CYP27C1: variants seen among roughly 807,000 people sequenced by gnomAD.
CYP27C1 encodes the protein cytochrome P450 27C1.
A neutral mutation model predicts 40.6 loss-of-function variants in CYP27C1; 29 were observed. The ratio of observed to expected loss-of-function variants is 0.71; its 90% CI spans 0.53 to 0.97. The LOEUF (loss-of-function observed/expected upper bound fraction) is 0.97, where lower values mean the gene tolerates loss of function less well. Among genes scored for constraint, CYP27C1 ranks in the 50% least tolerant of loss-of-function variants. The pLI, the probability that CYP27C1 is intolerant of heterozygous loss-of-function variation, is 0.00. For missense variants in CYP27C1, 390 were observed against 485.8 expected (o/e 0.80, Z 1.85); for synonymous variants, 198 against 186.8 (o/e 1.06, Z -0.49).
intron 2 of CYP27C1, among the ~76,000 whole-genome samples, chr2:127,203,815 G>A (rs1366384443): frequency 1.3e-5 from 2 of 151,990 alleles, no homozygotes; most frequent in African/African-American, 4.8e-5. Context: ...ACTACCAGTG[G>A]TAAGTAATAA....
At chr2:127,215,360 T>C (rs970430333) in intron 1 of CYP27C1, among the ~76,000 whole-genome samples, 1 of 152,136 alleles carries the variant, frequency 6.6e-6, no homozygotes, top group Non-Finnish European at 1.5e-5. Context: ...TCTCACACTA[T>C]ATAAAAAAAT....
rs533991172 is a variant in CYP27C1, at chr2:127,214,116, C to T, written c.282+5873G>A. Among the ~76,000 whole-genome samples, 6 of 152,284 alleles carry T rather than the reference C, an allele frequency of 3.9e-5. No homozygotes were observed. The South Asian group carries it at 1.0e-3, about 26-fold the overall frequency. The stretch of plus-strand genomic sequence containing the variant: ...ATCAGAGAAATGCAAATCAAAACCA[C>T]AATGAGATACCATCTCACACCAGTC... On this transcript the variant is annotated intron_variant, in intron 1 of 8. Transcript: ENST00000664447.
intron 8 of CYP27C1, among the ~76,000 whole-genome samples, chr2:127,189,494 C>T (rs1682713322): frequency 6.6e-6 from 1 of 151,946 alleles, no homozygotes; most frequent in Admixed American, 6.5e-5. Flanking sequence ...AGGACAAATA[C>T]CTAATGCATG....
rs2104704574 is a variant in CYP27C1, at chr2:127,218,681, G to T, written c.282+1308C>A. 6.6e-6 allele frequency among the ~76,000 whole-genome samples: 1 copy of T among 152,322 alleles called. No homozygotes were observed. The highest frequency in any genetic ancestry group is 1.5e-5 in the Non-Finnish European group (1 of 68,030). On this transcript the variant is annotated intron_variant, in intron 1 of 8. Transcript: ENST00000664447. The surrounding 1 kb of genome is among the most constrained non-coding windows in gnomAD (Gnocchi z 6.0). ...CGAATGAATGACTGAAGCCCAGGTGGGTAGTTAGAAGAGGCTTCGATGGAG... is the reference window on the plus strand; with the variant it reads ...CGAATGAATGACTGAAGCCCAGGTGTGTAGTTAGAAGAGGCTTCGATGGAG...
In CYP27C1 at chr2:127,218,534, C is replaced by T. The variant is rs1222535458; in HGVS notation, c.282+1455G>A. On this transcript the variant is annotated intron_variant, in intron 1 of 8. Transcript: ENST00000664447. The surrounding 1 kb of genome is among the most constrained non-coding windows in gnomAD (Gnocchi z 6.0). The stretch of plus-strand genomic sequence containing the variant: ...AGGAGGGACGGTTGGGACTTCCTGG[C>T]ATTAAAATTAAATTAAATTTTAATT... 1.3e-5 allele frequency among the ~76,000 whole-genome samples: 2 copies of T among 152,030 alleles called. No individual in the cohort carries two copies. Among genetic ancestry groups the T allele is most frequent in the African/African-American group, 4.8e-5 (2 of 41,376 alleles).
At chr2:127,202,627 T>C (rs1038989612) in intron 3 of CYP27C1, among the ~76,000 whole-genome samples, 1 of 152,206 alleles carries the variant, frequency 6.6e-6, no homozygotes, top group Non-Finnish European at 1.5e-5. Context: ...GCCTTTTTGG[T>C]ATTGCTATTT....
At chr2:127,204,555 G>GAGAA (rs1169099297) in intron 2 of CYP27C1, among the ~76,000 whole-genome samples, 840 of 39,078 alleles carry the variant, frequency 0.021, 60 homozygotes, top group Non-Finnish European at 0.028. Flanking sequence ...GAGAGAGAGA[G>GAGAA]AGAAAGAAAG....
At chr2:127,188,289 G>A (rs1268306024) in intron 8 of CYP27C1, among the ~76,000 whole-genome samples, 2 of 152,158 alleles carry the variant, frequency 1.3e-5, no homozygotes, top group African/African-American at 4.8e-5. Context: ...CTCCAGGCTG[G>A]GACCCCATGG....
In CYP27C1 at chr2:127,220,154, CG is replaced by C; in HGVS notation, c.116del (p.Ala39GlyfsTer76). The C allele has an allele frequency of 6.7e-6, 1 of 149,638 alleles. No homozygotes were observed. Among genetic ancestry groups the C allele is most frequent in the African/African-American group, 2.4e-5 (1 of 41,270 alleles). The allele number at this position is 149,638 out of a possible 1,614,324, so 9.3% of individuals were successfully genotyped here. On this transcript the variant is annotated frameshift_variant, in exon 1 of 9. Transcript: ENST00000664447. LOFTEE classifies it high-confidence loss of function. The surrounding 1 kb of genome is among the most constrained non-coding windows in gnomAD (Gnocchi z 4.6). ...RPQPAGARLPAGARAEDKGAG... is the reference protein window; with the variant it reads ...RPQPAGARLPXGARAEDKGAG... ...CGCCTTTGTCCTCGGCCCGCGCCCCCGCCGGGAGCCGTGCGCCCGCGGGTTG... is the reference window on the plus strand; with the variant it reads ...CGCCTTTGTCCTCGGCCCGCGCCCCCCCGGGAGCCGTGCGCCCGCGGGTTG...
intron 8 of CYP27C1, among the ~76,000 whole-genome samples, chr2:127,187,782 C>G (rs1294198101): frequency 6.6e-6 from 1 of 152,228 alleles, no homozygotes; most frequent in Non-Finnish European, 1.5e-5. Flanking sequence ...GGGTTTCCTG[C>G]TGGTTCTGAA....
Position 127,199,490 on chromosome 2 carries a change from G to A in CYP27C1, c.933C>T (p.Asp311=). 1 of 1,614,222 alleles carries A rather than the reference G, an allele frequency of 6.2e-7. No individual in the cohort carries two copies. Among genetic ancestry groups the A allele is most frequent in the Non-Finnish European group, 8.5e-7 (1 of 1,180,038 alleles). ...GTCCCCCGCTCACCCTCCGGCCTCG[G>A]TCCATTTGGTACTGTATGTCCCTCA... ...NKLRDIQYQM[D]RGRRVSGGLL... Residue 311 remains aspartate (D), a synonymous_variant, in exon 5 of 9, where the codon GAC becomes GAT. Transcript: ENST00000664447.
At position 127,183,953 on chromosome 2, in the gene CYP27C1, T is replaced by C. The variant is rs1421301840; in HGVS notation, c.*3318A>G. ...ACAGTTAACAACATCTGCCTAATCTTGGGTCATCTCTTCCTCCCGCAGCCT... is the reference window on the plus strand; with the variant it reads ...ACAGTTAACAACATCTGCCTAATCTCGGGTCATCTCTTCCTCCCGCAGCCT... On this transcript the variant is annotated 3_prime_UTR_variant, in exon 9 of 9. Transcript: ENST00000664447. This position sits in a 1 kb window ranked among gnomAD's most constrained non-coding sequence, Gnocchi z 5.1. Among the ~76,000 whole-genome samples the C allele has an allele frequency of 6.6e-6, 1 of 152,136 alleles. No homozygotes were observed. Among genetic ancestry groups the C allele is most frequent in the Non-Finnish European group, 1.5e-5 (1 of 68,028 alleles).
At position 127,220,257 on chromosome 2, in the gene CYP27C1, G is replaced by A. The variant is rs1683523202; in HGVS notation, c.14C>T (p.Ala5Val). Among the ~76,000 whole-genome samples the A allele has an allele frequency of 1.3e-5, 2 of 151,786 alleles. No homozygotes were observed. Among genetic ancestry groups the A allele is most frequent in the African/African-American group, 4.8e-5 (2 of 41,422 alleles). Reference sequence around the variant, plus strand: ...CCGCAGCCCGGCTCTCAGGATCCGCGCCAGCAGGGCCATGGCGCTCGTCTG... The same window carrying A: ...CCGCAGCCCGGCTCTCAGGATCCGCACCAGCAGGGCCATGGCGCTCGTCTG... MALL[A>V]RILRAGLRPA... Residue 5 changes from alanine to valine, a missense_variant, in exon 1 of 9, where the codon GCG (alanine) becomes GTG (valine). Physicochemically the swap from Ala to Val is moderately conservative, Grantham distance 64 (BLOSUM62 0). Transcript: ENST00000664447. This position sits in a 1 kb window ranked among gnomAD's most constrained non-coding sequence, Gnocchi z 4.6.
chr2:127,211,257 T>A (rs1427458341), intron 1 of CYP27C1, among the ~76,000 whole-genome samples: 1 of 151,722 alleles, frequency 6.6e-6, no homozygotes, highest in Non-Finnish European at 1.5e-5. Context: ...CCTGAACGAC[T>A]CCTGGGTAAA....
intron 8 of CYP27C1, among the ~76,000 whole-genome samples, chr2:127,191,791 C>T (rs761560872): frequency 3.3e-5 from 5 of 152,202 alleles, no homozygotes; most frequent in East Asian, 1.9e-4. Flanking sequence ...CCCTACACAT[C>T]GAGCTGCCAC....
At position 127,195,622 on chromosome 2, in the gene CYP27C1, T is replaced by C. The variant is rs1682885383; in HGVS notation, c.1048-121A>G. 1 of 920,786 alleles carries C rather than the reference T, an allele frequency of 1.1e-6. No individual in the cohort carries two copies. The highest frequency in any genetic ancestry group is 2.7e-5 in the Admixed American group (1 of 37,722). The allele number at this position is 920,786 out of a possible 1,614,324, so 57.0% of individuals were successfully genotyped here. A position where few individuals can be genotyped will look rare whatever the true frequency, so the allele number is the denominator to read the frequency against. On this transcript the variant is annotated intron_variant, in intron 5 of 8. Transcript: ENST00000664447. This position sits in a 1 kb window ranked among gnomAD's most constrained non-coding sequence, Gnocchi z 6.2. ...ACAGCACAAAGTCAAACTCATCCAATTCCATATAGCACCTAATGTCTTACT... is the reference window on the plus strand; with the variant it reads ...ACAGCACAAAGTCAAACTCATCCAACTCCATATAGCACCTAATGTCTTACT...
rs201336073 is a variant in CYP27C1 at position 127,213,318 on chromosome 2, A to C, written c.282+6671T>G. Among the ~76,000 whole-genome samples the C allele has an allele frequency of 1.8e-4, 28 of 151,444 alleles. No homozygotes were observed. The East Asian group carries it at 4.7e-3, about 25-fold the overall frequency. On this transcript the variant is annotated intron_variant, in intron 1 of 8. Coordinates refer to ENST00000664447, the MANE Select transcript of CYP27C1 (RefSeq NM_001367502.1). ...TCTTCACAGAATTAGAAAAAAAAAA[A>C]CTTAAATTTCATATGGAATTGAAGA...
rs760629703 is a variant in CYP27C1 at position 127,193,799 on chromosome 2, A to C, written c.1283T>G (p.Ile428Ser). 1.9e-6 allele frequency: 3 copies of C among 1,614,146 alleles called. No individual in the cohort carries two copies. Among genetic ancestry groups the C allele is most frequent in the Non-Finnish European group, 2.5e-6 (3 of 1,180,016 alleles). Residue 428 changes from isoleucine (I) to serine (S), a missense_variant, in exon 7 of 9, where the codon ATT (isoleucine) becomes AGT (serine). Physicochemically the swap from Ile to Ser is moderately radical, Grantham distance 142 (BLOSUM62 -2). Coordinates refer to ENST00000664447, the MANE Select transcript of CYP27C1 (RefSeq NM_001367502.1). ...TGGCCCCAAACTCACGCCTTTCGGAATCAGATACCCGCCAATAACCAGGTC... is the reference window on the plus strand; with the variant it reads ...TGGCCCCAAACTCACGCCTTTCGGACTCAGATACCCGCCAATAACCAGGTC... The part of the protein sequence containing the change: ...QEDLVIGGYL[I>S]PKGTQLALCH...
chr2:127,193,691 G>A, intron 7 of CYP27C1, 98 bp downstream of exon 7: 2 of 1,297,934 alleles, frequency 1.5e-6, no homozygotes, highest in Non-Finnish European at 1.1e-6. Context: ...GAAACCTATT[G>A]ATCTCTGCTT....
Sources: gnomAD v4.1 joint callset for allele counts (sites outside exome capture counted in the v4.1 genomes callset) on GRCh38, gnomAD v4.1.1 for gene constraint, Gnocchi (gnomAD v3.1) non-coding constraint, MANE v1.5 for transcripts, NCBI Gene and HGNC (gene_info 2026-07-23, HGNC 2026-07-21) for gene names.